The following RFPL1 variants were observed in gnomAD, a reference collection of about 807,000 sequenced individuals.
RFPL1 encodes the protein ret finger protein like 1.
RFPL1 carries 6 observed loss-of-function variants against 9.6 expected under a neutral mutation model. The observed-to-expected ratio is 0.62, with a 90% CI of 0.34 to 1.23. The LOEUF (loss-of-function observed/expected upper bound fraction) is 1.23, where lower values mean the gene tolerates loss of function less well. Ranked by LOEUF, RFPL1 falls within the 50% of genes most tolerant of loss-of-function variation. The pLI is 0.03. For synonymous variants in RFPL1, 145 were observed against 149.4 expected, an observed-to-expected ratio of 0.97 and a Z score of 0.22; for missense variants, 352 against 398.4, an observed-to-expected ratio of 0.88 and a Z score of 0.99.
the RFPL1 span, among the ~76,000 whole-genome samples, chr22:29,397,395 A>C: frequency 6.6e-6 from 1 of 151,712 alleles, no homozygotes; most frequent in Non-Finnish European, 1.5e-5. Context: ...GGTCTCCAAA[A>C]CCCATCAGCC....
At chr22:29,425,061 G>A in the RFPL1 span, among the ~76,000 whole-genome samples, 3 of 151,482 alleles carry the variant, frequency 2.0e-5, no homozygotes, top group Non-Finnish European at 4.4e-5. Context: ...AAAATTAGCC[G>A]GGCGTGGTGG....
upstream of RFPL1, among the ~76,000 whole-genome samples, chr22:29,435,320 T>C (rs990495850): frequency 2.6e-5 from 4 of 152,238 alleles, no homozygotes; most frequent in Middle Eastern, 3.2e-3. Flanking sequence ...ACATCTCTTC[T>C]GCAAATCTAT....
the RFPL1 span, among the ~76,000 whole-genome samples, chr22:29,403,353 G>T: frequency 6.6e-6 from 1 of 152,074 alleles, no homozygotes. Context: ...GATGGGCTAA[G>T]GCCTCGTACA....
At chr22:29,434,404 T>C (rs2062799008), upstream of RFPL1, 2 of 154,170 alleles carry the variant, frequency 1.3e-5, no homozygotes, top group Admixed American at 1.3e-4. Flanking sequence ...CAGGGAAGTT[T>C]CTATTTGCTG....
the RFPL1 span, among the ~76,000 whole-genome samples, chr22:29,409,342 A>T: frequency 6.6e-6 from 1 of 152,062 alleles, no homozygotes; most frequent in African/African-American, 2.4e-5. Flanking sequence ...TCTTAAGGTG[A>T]CTATTTCGCA....
chr22:29,440,637 A>G (rs1347239445), intron 1 of RFPL1: 1 of 151,506 alleles, frequency 6.6e-6, no homozygotes, highest in Non-Finnish European at 1.5e-5. Flanking sequence ...CAGTGGCATG[A>G]TCTCTGCTCA....
At chr22:29,441,502 T>G (rs1471852844) in intron 1 of RFPL1, 40 bp from the exon 2 acceptor site, 38 of 1,583,986 alleles carry the variant, frequency 2.4e-5, no homozygotes, top group Non-Finnish European at 3.2e-5. Context: ...TGGGGTTGGC[T>G]TCTGTCCATT....
chr22:29,432,008 T>C, the RFPL1 span, among the ~76,000 whole-genome samples: 2 of 152,180 alleles, frequency 1.3e-5, no homozygotes, highest in Non-Finnish European at 2.9e-5. Context: ...CTTAATAAGA[T>C]AACTTACATT....
chr22:29,396,906 T>G, the RFPL1 span, among the ~76,000 whole-genome samples: 1 of 134,154 alleles, frequency 7.5e-6, no homozygotes, highest in African/African-American at 2.9e-5. Context: ...TCTTTTTTTT[T>G]TTTTTTTTTT....
At chr22:29,390,504 T>A in the RFPL1 span, among the ~76,000 whole-genome samples, 11 of 152,284 alleles carry the variant, frequency 7.2e-5, no homozygotes, top group Non-Finnish European at 1.0e-4. Flanking sequence ...ATTTTATATA[T>A]CTGCAGTATA....
At chr22:29,426,002 C>A in the RFPL1 span, among the ~76,000 whole-genome samples, 1 of 151,776 alleles carries the variant, frequency 6.6e-6, no homozygotes, top group African/African-American at 2.4e-5. Context: ...AGGATATCTG[C>A]AATTTGTTTC....
exon 2 of RFPL1, chr22:29,442,184 A>G: frequency 2.4e-6 from 3 of 1,262,866 alleles, no homozygotes; most frequent in Non-Finnish European, 3.3e-6. Context: ...CAGACTTAGG[A>G]ACGCTCTACT....
At chr22:29,406,103 G>A in the RFPL1 span, among the ~76,000 whole-genome samples, 4 of 86,978 alleles carry the variant, frequency 4.6e-5, no homozygotes, top group East Asian at 3.6e-4. Context: ...GGGACAGAGC[G>A]AGACTCCTTC....
At chr22:29,389,042 A>G in the RFPL1 span, among the ~76,000 whole-genome samples, 1 of 152,170 alleles carries the variant, frequency 6.6e-6, no homozygotes, top group East Asian at 1.9e-4. Flanking sequence ...ACGCCCGGCT[A>G]ATTACTTATT....
the RFPL1 span, among the ~76,000 whole-genome samples, chr22:29,422,808 T>TACACACACAC: frequency 1.0e-4 from 15 of 150,128 alleles, no homozygotes; most frequent in African/African-American, 2.2e-4. Context: ...AACACACACA[T>TACACACACAC]ACACACACAC....
chr22:29,431,392 G>A, the RFPL1 span, among the ~76,000 whole-genome samples: 1 of 152,206 alleles, frequency 6.6e-6, no homozygotes, highest in Non-Finnish European at 1.5e-5. Flanking sequence ...AGAAATGACA[G>A]TCTTCATTTT....
the RFPL1 span, among the ~76,000 whole-genome samples, chr22:29,432,754 A>G: frequency 2.0e-5 from 3 of 152,116 alleles, no homozygotes; most frequent in East Asian, 5.8e-4. Context: ...AGCATTTCCG[A>G]TATTAGAAGT....
chr22:29,424,843 C>CCG, the RFPL1 span, among the ~76,000 whole-genome samples: 2 of 120,718 alleles, frequency 1.7e-5, no homozygotes, highest in East Asian at 6.0e-4. Context: ...ACCCCCCCCC[C>CCG]CGCAAAATTG....
chr22:29,416,930 C>T, the RFPL1 span, among the ~76,000 whole-genome samples: 1 of 152,320 alleles, frequency 6.6e-6, no homozygotes, highest in South Asian at 2.1e-4. Context: ...CACAGGCCTT[C>T]TCAAGATGTG....
Sources: gnomAD v4.1 joint callset for allele counts (sites outside exome capture counted in the v4.1 genomes callset) on GRCh38, gnomAD v4.1.1 for gene constraint, MANE v1.5 for transcripts, NCBI Gene and HGNC (gene_info 2026-07-23, HGNC 2026-07-21) for gene names.